Variants in SPTB observed in about 807,000 individuals in gnomAD.
The protein encoded by SPTB is spectrin beta, erythrocytic, also known as spectrin beta chain, erythrocytic.
Under a neutral mutation model 256.2 loss-of-function variants are expected in SPTB, and 45 were observed. The observed-to-expected ratio is 0.18, with a 90% confidence interval of 0.14 to 0.23. SPTB has a LOEUF of 0.23. SPTB is among the 10% of genes least tolerant of loss of function. SPTB has a pLI of 1.00. For missense variants in SPTB, 2,715 were observed against 3,040.4 expected (o/e 0.89, Z 2.52); for synonymous variants, 1,231 against 1,243.1 (o/e 0.99, Z 0.21).
intron 1 of SPTB, among the ~76,000 whole-genome samples, chr14:64,859,710 CTCTCTCTCTCTATATATA>C (rs2083930292): frequency 3.5e-5 from 1 of 28,668 alleles, no homozygotes; most frequent in African/African-American, 6.6e-5. Context: ...CTCTCTCTCT[CTCTCTCTCTCTATATATA>C]TATATATATG....
chr14:64,785,724 T>A lies in SPTB; in HGVS notation c.3764+25A>T. Reference sequence around the variant, plus strand: ...CTACCCCCGTGTGGCTCTGGGGGCCTCGTGGCCCTGGGGCCCGGGAGTACC... The same window carrying A: ...CTACCCCCGTGTGGCTCTGGGGGCCACGTGGCCCTGGGGCCCGGGAGTACC... On this transcript the variant is annotated intron_variant, in intron 17 of 35. Coordinates refer to ENST00000644917, the MANE Select transcript of SPTB (RefSeq NM_001355436.2). This position sits in a 1 kb window ranked among gnomAD's most constrained non-coding sequence, Gnocchi z 4.4. 1 of 1,613,942 alleles carries A rather than the reference T, an allele frequency of 6.2e-7. No individual in the cohort carries two copies. The highest frequency in any genetic ancestry group is 8.5e-7 in the Non-Finnish European group (1 of 1,179,878).
chr14:64,782,411 T>C lies in SPTB; in HGVS notation c.4145A>G (p.Asp1382Gly), dbSNP rs569713799. 6.2e-7 allele frequency: 1 copy of C among 1,614,144 alleles called. No homozygotes were observed. Among genetic ancestry groups the C allele is most frequent in the African/African-American group, 1.3e-5 (1 of 75,028 alleles). ...GTCAGCATGGGTCTGCAAGCGCAGG[T>C]CGGAGCTCCTGGCAGCCGAGAGGTG... ...TQHLSAARSS[D>G]LRLQTHADLN... The change falls in exon 20 of 36, where the codon GAC becomes GGC. Residue 1382 changes from aspartate (D) to glycine (G), a missense_variant. Physicochemically the swap from Asp to Gly is moderately conservative, Grantham distance 94 (BLOSUM62 -1). Around this residue, in one of 4 missense-constraint regions of SPTB, gnomAD observed 2,239 missense variants for 2,384.4 expected, o/e 0.94. Coordinates refer to ENST00000644917, the MANE Select transcript of SPTB (RefSeq NM_001355436.2).
rs2082413119 is a variant in SPTB, at chr14:64,778,966, G to T, written c.4563+191C>A. On this transcript the variant is annotated intron_variant, in intron 22 of 35. Transcript: ENST00000644917. This position sits in a 1 kb window ranked among gnomAD's most constrained non-coding sequence, Gnocchi z 5.2. The stretch of plus-strand genomic sequence containing the variant: ...CTCCTCTGTGATCCTCCCAGAATTT[G>T]CTCTGTAATCACAAAAACCTGCTCT... 6.6e-6 allele frequency among the ~76,000 whole-genome samples: 1 copy of T among 152,062 alleles called. No individual in the cohort carries two copies. Among genetic ancestry groups the T allele is most frequent in the South Asian group, 2.1e-4 (1 of 4,832 alleles).
At chr14:64,750,848 T>G (rs1489106400) in intron 33 of SPTB, among the ~76,000 whole-genome samples, 1 of 146,158 alleles carries the variant, frequency 6.8e-6, no homozygotes, top group Non-Finnish European at 1.5e-5. Context: ...ATTTACATAT[T>G]TATTATATAA....
chr14:64,804,054 C>T (rs150908876), intron 3 of SPTB, among the ~76,000 whole-genome samples: 21 of 152,346 alleles, frequency 1.4e-4, no homozygotes, highest in South Asian at 2.1e-4. Context: ...ACGGCATTTG[C>T]TTACGGTAAC....
At chr14:64,846,563 T>A (rs906246993) in intron 1 of SPTB, among the ~76,000 whole-genome samples, 1 of 152,228 alleles carries the variant, frequency 6.6e-6, no homozygotes, top group Non-Finnish European at 1.5e-5. Flanking sequence ...GGCAGCTGAT[T>A]AATTCAATTA....
chr14:64,871,706 A>T lies in SPTB; in HGVS notation c.-52+8086T>A, dbSNP rs182677758. Reference sequence around the variant, plus strand: ...AATTCTTCTCAAAGCATACACAGAAACTGTTGACAGTGGTACCTTCTTAGA... The same window carrying T: ...AATTCTTCTCAAAGCATACACAGAATCTGTTGACAGTGGTACCTTCTTAGA... On this transcript the variant is annotated intron_variant, in intron 1 of 35. Transcript: ENST00000644917. Among the ~76,000 whole-genome samples, 540 of 152,334 alleles carry T rather than the reference A, an allele frequency of 3.5e-3. 4 individuals carry two copies. Among genetic ancestry groups the T allele is most frequent in the African/African-American group, 0.013 (523 of 41,576 alleles).
chr14:64,750,258 G>T, intron 33 of SPTB, 104 bp from the exon 34 acceptor site: 2 of 1,137,062 alleles, frequency 1.8e-6, no homozygotes, highest in South Asian at 1.7e-5. Context: ...TGTTTGTTCT[G>T]ATACATAGTA....
At chr14:64,856,269 C>T (rs2083870830) in intron 1 of SPTB, among the ~76,000 whole-genome samples, 1 of 152,210 alleles carries the variant, frequency 6.6e-6, no homozygotes, top group African/African-American at 2.4e-5. Context: ...CTTCCCAACG[C>T]TCATGTTAAA....
At chr14:64,854,206 C>T (rs886282541) in intron 1 of SPTB, among the ~76,000 whole-genome samples, 3 of 147,580 alleles carry the variant, frequency 2.0e-5, no homozygotes, top group Admixed American at 6.8e-5. Flanking sequence ...CAAAACAAAA[C>T]AAAACAAACA....
At chr14:64,868,525 G>A (rs1160254207) in intron 1 of SPTB, among the ~76,000 whole-genome samples, 1 of 152,206 alleles carries the variant, frequency 6.6e-6, no homozygotes. Flanking sequence ...GCTGATCTGG[G>A]ACTGAGGAGG....
chr14:64,842,540 G>T (rs979802130), intron 1 of SPTB, among the ~76,000 whole-genome samples: 7 of 152,318 alleles, frequency 4.6e-5, no homozygotes, highest in Non-Finnish European at 8.8e-5. Flanking sequence ...TCTGTAAGAT[G>T]AAGTTAGTAA....
In SPTB at chr14:64,816,087, A is replaced by C. The variant is rs1328011752; in HGVS notation, c.148+6860T>G. Among the ~76,000 whole-genome samples the C allele has an allele frequency of 6.6e-6, 1 of 152,160 alleles. No individual in the cohort carries two copies. The highest frequency in any genetic ancestry group is 2.4e-5 in the African/African-American group (1 of 41,418). ...AGGGTGATCCTTAGTAGTCAGAGCG[A>C]GCCCTAAAAACCCAAATCTAACCGT... On this transcript the variant is annotated intron_variant, in intron 2 of 35. Transcript: ENST00000644917. The surrounding 1 kb of genome is among the most constrained non-coding windows in gnomAD (Gnocchi z 4.2).
chr14:64,836,525 C>T (rs144298337), intron 1 of SPTB, among the ~76,000 whole-genome samples: 3 of 152,178 alleles, frequency 2.0e-5, no homozygotes, highest in African/African-American at 4.8e-5. Context: ...AGGGTACGGT[C>T]GGTGGGGTTT....
intron 1 of SPTB, among the ~76,000 whole-genome samples, chr14:64,877,769 A>G (rs1447328738): frequency 6.6e-6 from 1 of 152,252 alleles, no homozygotes; most frequent in African/African-American, 2.4e-5. Flanking sequence ...CTTTAGTTCA[A>G]AACTGTCATT....
rs975114858 is a variant in SPTB at position 64,816,213 on chromosome 14, C to T, written c.148+6734G>A. Among the ~76,000 whole-genome samples the T allele has an allele frequency of 5.3e-5, 8 of 152,184 alleles. No homozygotes were observed. The highest frequency in any genetic ancestry group is 2.6e-4 in the Admixed American group (4 of 15,286). On this transcript the variant is annotated intron_variant, in intron 2 of 35. Coordinates refer to ENST00000644917, the MANE Select transcript of SPTB (RefSeq NM_001355436.2). The surrounding 1 kb of genome is among the most constrained non-coding windows in gnomAD (Gnocchi z 4.2). ...CCTGTCCTGCAGCCCACAGCTAATG[C>T]TCCCTCTCTCGGACCCTTCAACCCT...
In SPTB at chr14:64,753,040, A is replaced by G. The variant is rs565202307; in HGVS notation, c.6602+497T>C. ...GGGACCTCTGGGGGGCAACTAGGCC[A>G]TGCCCCATCCCCATCACTCCCATTT... On this transcript the variant is annotated intron_variant, in intron 33 of 35. Transcript: ENST00000644917. 9.8e-5 allele frequency among the ~76,000 whole-genome samples: 15 copies of G among 152,314 alleles called. No individual in the cohort carries two copies. In the South Asian group the frequency reaches 2.9e-3, roughly 29 times the overall value.
In SPTB at chr14:64,796,038, G is replaced by A. The variant is rs1309267705; in HGVS notation, c.1342-399C>T. Among the ~76,000 whole-genome samples the A allele has an allele frequency of 5.9e-5, 9 of 152,110 alleles. No individual in the cohort carries two copies. ...GATGGTTTATTCACATGCTATCTGGGGTGCGCATACACTCTCCAGTGCTCT... is the reference window on the plus strand; with the variant it reads ...GATGGTTTATTCACATGCTATCTGGAGTGCGCATACACTCTCCAGTGCTCT... On this transcript the variant is annotated intron_variant, in intron 11 of 35. Coordinates refer to ENST00000644917, the MANE Select transcript of SPTB (RefSeq NM_001355436.2). This position sits in a 1 kb window ranked among gnomAD's most constrained non-coding sequence, Gnocchi z 4.1.
chr14:64,815,391 G>A (rs1041461722), intron 2 of SPTB, among the ~76,000 whole-genome samples: 2 of 152,184 alleles, frequency 1.3e-5, no homozygotes, highest in African/African-American at 2.4e-5. Context: ...TTAAAACCCC[G>A]GGATCCTAGT....
Sources: gnomAD v4.1 joint callset for allele counts (sites outside exome capture counted in the v4.1 genomes callset) on GRCh38, gnomAD v4.1.1 for gene constraint, gnomAD v4.1.1 regional missense constraint, Gnocchi (gnomAD v3.1) non-coding constraint, MANE v1.5 for transcripts, NCBI Gene and HGNC (gene_info 2026-07-23, HGNC 2026-07-21) for gene names.